Variants in AUTS2 observed in about 807,000 individuals in gnomAD.
AUTS2 encodes the protein activator of transcription and developmental regulator AUTS2.
A neutral mutation model predicts 112.4 loss-of-function variants in AUTS2; 17 were observed. The ratio of observed to expected loss-of-function variants is 0.15; its 90% CI spans 0.10 to 0.23. The LOEUF is 0.23. Among genes scored for constraint, AUTS2 ranks in the 10% least tolerant of loss-of-function variants. The pLI is 1.00. For synonymous variants in AUTS2, 751 were observed against 702.7 expected, an observed-to-expected ratio of 1.07 and a Z score of -1.09; for missense variants, 1,510 against 1,701.6, an observed-to-expected ratio of 0.89 and a Z score of 1.98.
chr7:69,687,412 T>A (rs73166521), intron 1 of AUTS2, among the ~76,000 whole-genome samples: 376 of 152,302 alleles, frequency 2.5e-3, no homozygotes, highest in Non-Finnish European at 4.5e-3. Flanking sequence ...GCTGACATTC[T>A]TGATATGCCA....
At chr7:69,949,033 C>G (rs1796927567) in intron 2 of AUTS2, among the ~76,000 whole-genome samples, 1 of 152,194 alleles carries the variant, frequency 6.6e-6, no homozygotes, top group African/African-American at 2.4e-5. Flanking sequence ...TCTCGAGCTC[C>G]TGACCTTAAG....
chr7:70,478,431 G>A (rs1199659131), intron 5 of AUTS2, among the ~76,000 whole-genome samples: 1 of 152,034 alleles, frequency 6.6e-6, no homozygotes, highest in Non-Finnish European at 1.5e-5. Flanking sequence ...TTATACTCAG[G>A]GGGTGAGAAT....
chr7:69,723,337 A>G (rs1473693266), intron 1 of AUTS2, among the ~76,000 whole-genome samples: 1 of 152,136 alleles, frequency 6.6e-6, no homozygotes, highest in African/African-American at 2.4e-5. Flanking sequence ...AAAGAAATGT[A>G]TGTTTTATAA....
rs778469209 is a variant in AUTS2 at position 70,787,398 on chromosome 7, G to A, written c.2498G>A (p.Arg833Gln). Residue 833 changes from arginine to glutamine, a missense_variant, in exon 18 of 19, where the codon CGA (arginine) becomes CAA (glutamine). By Grantham distance (43) the Arg-to-Gln change is conservative (BLOSUM62 1). Transcript: ENST00000342771. ...AHDRDRDVDK[R>Q]DSSVSKDDKE... ...GACAGAGATAGAGATGTAGATAAAC[G>A]AGACTCATCTGTTAGTAAAGATGAC... 41 of 1,613,388 alleles carry A rather than the reference G, an allele frequency of 2.5e-5. No homozygotes were observed. Among genetic ancestry groups the A allele is most frequent in the Non-Finnish European group, 3.2e-5 (38 of 1,179,628 alleles).
intron 6 of AUTS2, among the ~76,000 whole-genome samples, chr7:70,721,846 T>C (rs1263818098): frequency 6.6e-6 from 1 of 152,238 alleles, no homozygotes; most frequent in Non-Finnish European, 1.5e-5. Context: ...CTCTTTTTTT[T>C]AGATAAGTCA....
At chr7:69,623,864 C>T (rs1226239630) in intron 1 of AUTS2, among the ~76,000 whole-genome samples, 1 of 152,108 alleles carries the variant, frequency 6.6e-6, no homozygotes, top group Non-Finnish European at 1.5e-5. Flanking sequence ...ACATTGCCCC[C>T]TCCCCACAAA....
At chr7:70,406,561 G>T (rs1335628307) in intron 4 of AUTS2, among the ~76,000 whole-genome samples, 1 of 152,212 alleles carries the variant, frequency 6.6e-6, no homozygotes, top group East Asian at 1.9e-4. Flanking sequence ...TTGTTGGAAA[G>T]AAATGTTTAG....
intron 1 of AUTS2, among the ~76,000 whole-genome samples, chr7:69,846,696 T>G (rs1792216299): frequency 6.6e-6 from 1 of 152,132 alleles, no homozygotes; most frequent in Admixed American, 6.5e-5. Context: ...GCCTCAGCCT[T>G]CTGAGTAGCT....
intron 6 of AUTS2, among the ~76,000 whole-genome samples, chr7:70,747,348 G>GAC (rs1289990770): frequency 1.3e-5 from 2 of 152,182 alleles, no homozygotes; most frequent in Non-Finnish European, 1.5e-5. Flanking sequence ...TAGTGTATTG[G>GAC]TGACTTACTC....
intron 4 of AUTS2, among the ~76,000 whole-genome samples, chr7:70,316,399 ATTTTTTTTTT>A (rs398005114): frequency 1.1e-5 from 1 of 92,744 alleles, no homozygotes; most frequent in Non-Finnish European, 2.1e-5. Flanking sequence ...CCAGGTCTCT[ATTTTTTTTTT>A]TTTTTTTTTT....
At chr7:70,683,587 CTA>C (rs879402951) in intron 5 of AUTS2, among the ~76,000 whole-genome samples, 12 of 152,196 alleles carry the variant, frequency 7.9e-5, no homozygotes, top group Non-Finnish European at 1.5e-4. Flanking sequence ...TGTCTTAGAT[CTA>C]TGTTTCCATT....
At chr7:70,274,662 G>T (rs1396613109) in intron 4 of AUTS2, among the ~76,000 whole-genome samples, 1 of 152,074 alleles carries the variant, frequency 6.6e-6, no homozygotes, top group Non-Finnish European at 1.5e-5. Context: ...ATATGCTCAA[G>T]CTTAAGGTCT....
intron 1 of AUTS2, among the ~76,000 whole-genome samples, chr7:69,719,087 TA>T (rs1488678334): frequency 6.6e-6 from 1 of 152,234 alleles, no homozygotes; most frequent in Non-Finnish European, 1.5e-5. Context: ...CCTTGGCAAA[TA>T]AACCTCTTTG....
intron 1 of AUTS2, among the ~76,000 whole-genome samples, chr7:69,860,678 T>C (rs574367403): frequency 2.6e-5 from 4 of 151,764 alleles, no homozygotes; most frequent in African/African-American, 4.8e-5. Context: ...AATTTTTTTT[T>C]CCCACATAAC....
chr7:70,411,829 G>T (rs551149924), intron 4 of AUTS2, among the ~76,000 whole-genome samples: 9 of 152,144 alleles, frequency 5.9e-5, no homozygotes, highest in Non-Finnish European at 1.2e-4. Flanking sequence ...ATATGAACGA[G>T]GTGGTTTTGG....
At chr7:70,718,499 CA>C (rs1420077665) in intron 6 of AUTS2, among the ~76,000 whole-genome samples, 2 of 152,190 alleles carry the variant, frequency 1.3e-5, no homozygotes, top group South Asian at 2.1e-4. Context: ...ACCGTCTCTA[CA>C]AAAATACAAA....
At chr7:70,125,287 T>TGTG (rs1185183147) in intron 3 of AUTS2, among the ~76,000 whole-genome samples, 10 of 141,174 alleles carry the variant, frequency 7.1e-5, no homozygotes, top group Middle Eastern at 3.6e-3. Context: ...GTGTGTGTGT[T>TGTG]TTTAATGTTT....
intron 5 of AUTS2, among the ~76,000 whole-genome samples, chr7:70,597,484 G>A (rs1434484352): frequency 6.6e-6 from 1 of 152,210 alleles, no homozygotes; most frequent in Non-Finnish European, 1.5e-5. Flanking sequence ...GATAGCTGAA[G>A]GGGATAGACA....
At chr7:69,947,369 C>T (rs754158270) in intron 2 of AUTS2, among the ~76,000 whole-genome samples, 5 of 152,068 alleles carry the variant, frequency 3.3e-5, no homozygotes, top group Non-Finnish European at 7.4e-5. Context: ...AGCCACTGAT[C>T]GTCTCAGTGT....
Sources: allele counts gnomAD v4.1 joint callset (sites outside exome capture counted in the v4.1 genomes callset), GRCh38; gene constraint gnomAD v4.1.1; transcripts MANE v1.5; gene names NCBI Gene and HGNC (gene_info 2026-07-23, HGNC 2026-07-21).